The following NXPH1 variants were observed in gnomAD, a reference collection of about 807,000 sequenced individuals.
The protein encoded by NXPH1 is neurexophilin 1.
NXPH1 carries 5 observed loss-of-function variants against 23.7 expected under a neutral mutation model. The observed-to-expected ratio is 0.21, with a 90% CI of 0.11 to 0.44. The LOEUF (loss-of-function observed/expected upper bound fraction) is 0.44, where lower values mean the gene tolerates loss of function less well. Among genes scored for constraint, NXPH1 ranks in the 20% least tolerant of loss-of-function variants. The probability of loss-of-function intolerance (pLI) is 0.99; values close to 1 mark genes in which losing one functional copy is unlikely to be tolerated. For synonymous variants in NXPH1, 144 were observed against 122.2 expected (o/e 1.18, Z -1.18); for missense variants, 324 against 321.6 (o/e 1.01, Z -0.06).
At chr7:8,589,098 T>C (rs942912877) in intron 2 of NXPH1, among the ~76,000 whole-genome samples, 5 of 152,244 alleles carry the variant, frequency 3.3e-5, no homozygotes, top group African/African-American at 1.2e-4. Context: ...CTTTCACACC[T>C]GGATAACTGA....
chr7:8,566,455 A>C (rs1259665483), intron 2 of NXPH1, among the ~76,000 whole-genome samples: 1 of 151,736 alleles, frequency 6.6e-6, no homozygotes, highest in Non-Finnish European at 1.5e-5. Context: ...TTGGCATGTG[A>C]GTTTGAGTGG....
At position 8,751,868 on chromosome 7, in the gene NXPH1, G is replaced by A; in HGVS notation, c.*99G>A. On this transcript the variant is annotated 3_prime_UTR_variant, in exon 3 of 3. Coordinates refer to ENST00000405863, the MANE Select transcript of NXPH1 (RefSeq NM_152745.3). The surrounding 1 kb of genome is among the most constrained non-coding windows in gnomAD (Gnocchi z 4.5). The stretch of plus-strand genomic sequence containing the variant: ...AGGTCACATCTGTTGCCTGGAATGT[G>A]TCTACACTGCTGCTCTTGTCAACTG... The A allele has an allele frequency of 8.8e-7, 1 of 1,142,372 alleles. No individual in the cohort carries two copies. Among genetic ancestry groups the A allele is most frequent in the Non-Finnish European group, 1.2e-6 (1 of 828,038 alleles). 70.8% of individuals were successfully genotyped at this position (1,142,372 alleles called of 1,614,324 possible).
intron 2 of NXPH1, among the ~76,000 whole-genome samples, chr7:8,546,885 T>C (rs1034056392): frequency 6.6e-6 from 1 of 151,450 alleles, no homozygotes; most frequent in Non-Finnish European, 1.5e-5. Flanking sequence ...TTTACATATT[T>C]GAAACCTTGT....
At chr7:8,462,271 T>G (rs1044044183) in intron 2 of NXPH1, among the ~76,000 whole-genome samples, 1 of 152,204 alleles carries the variant, frequency 6.6e-6, no homozygotes, top group Non-Finnish European at 1.5e-5. Context: ...ATGGCCTCGA[T>G]CTCTTGACCT....
chr7:8,642,014 C>T (rs1163377845), intron 2 of NXPH1, among the ~76,000 whole-genome samples: 1 of 152,190 alleles, frequency 6.6e-6, no homozygotes, highest in Admixed American at 6.5e-5. Context: ...CCATTCTGCT[C>T]TCGATGTTAC....
chr7:8,716,670 T>C (rs142249720), intron 2 of NXPH1, among the ~76,000 whole-genome samples: 2 of 152,176 alleles, frequency 1.3e-5, no homozygotes, highest in African/African-American at 2.4e-5. Flanking sequence ...GTTAAAAGGG[T>C]ATTACTGGGA....
intron 2 of NXPH1, among the ~76,000 whole-genome samples, chr7:8,747,466 T>C (rs1780490256): frequency 6.6e-6 from 1 of 152,176 alleles, no homozygotes; most frequent in African/African-American, 2.4e-5. Flanking sequence ...TTTTCCTCCT[T>C]CTTTGGGATA....
chr7:8,471,272 A>G (rs182716362), intron 2 of NXPH1, among the ~76,000 whole-genome samples: 101 of 152,284 alleles, frequency 6.6e-4, no homozygotes, highest in Admixed American at 3.7e-3. Flanking sequence ...CTACAAGAAA[A>G]GCTGTGCTTA....
chr7:8,517,101 C>T (rs1817698096), intron 2 of NXPH1, among the ~76,000 whole-genome samples: 1 of 152,108 alleles, frequency 6.6e-6, no homozygotes, highest in Admixed American at 6.6e-5. Context: ...GCACCAAGAA[C>T]ACAACAGTAA....
At chr7:8,552,270 C>A (rs2128619782) in intron 2 of NXPH1, among the ~76,000 whole-genome samples, 1 of 151,474 alleles carries the variant, frequency 6.6e-6, no homozygotes, top group Middle Eastern at 3.4e-3. Flanking sequence ...GCAATTATCC[C>A]AGCAATAACC....
chr7:8,715,590 A>ATT, intron 2 of NXPH1, among the ~76,000 whole-genome samples: 1 of 152,246 alleles, frequency 6.6e-6, no homozygotes, highest in Non-Finnish European at 1.5e-5. Flanking sequence ...AGTTATAAAA[A>ATT]GGCAAAAATG....
rs976506306 is a variant in NXPH1 at position 8,514,505 on chromosome 7, T to C, written c.54+78738T>C. ...TTTTGCCCAATGCATTGGAAAATGGTTAAAACAAAAAGAAGAGTCCATTCC... is the reference window on the plus strand; with the variant it reads ...TTTTGCCCAATGCATTGGAAAATGGCTAAAACAAAAAGAAGAGTCCATTCC... On this transcript the variant is annotated intron_variant, in intron 2 of 2. Coordinates refer to ENST00000405863, the MANE Select transcript of NXPH1 (RefSeq NM_152745.3). Among the ~76,000 whole-genome samples the C allele has an allele frequency of 6.6e-5, 10 of 152,080 alleles. 1 individual carries two copies. The highest frequency in any genetic ancestry group is 4.1e-4 in the South Asian group (2 of 4,830).
intron 2 of NXPH1, among the ~76,000 whole-genome samples, chr7:8,658,749 C>A (rs985890295): frequency 6.6e-6 from 1 of 151,898 alleles, no homozygotes; most frequent in Non-Finnish European, 1.5e-5. Flanking sequence ...GTTGCTTACA[C>A]TCTAGTAGAA....
chr7:8,575,891 C>T (rs765105711), intron 2 of NXPH1, among the ~76,000 whole-genome samples: 5 of 152,030 alleles, frequency 3.3e-5, no homozygotes, highest in Non-Finnish European at 5.9e-5. Flanking sequence ...TATTTCCTCT[C>T]TCTCCAGTTT....
chr7:8,545,507 A>G (rs1039136664), intron 2 of NXPH1, among the ~76,000 whole-genome samples: 1 of 151,540 alleles, frequency 6.6e-6, no homozygotes, highest in South Asian at 2.1e-4. Context: ...CTTCGAGGGC[A>G]TATGTACATA....
chr7:8,621,751 G>T (rs891763619), intron 2 of NXPH1, among the ~76,000 whole-genome samples: 10 of 152,154 alleles, frequency 6.6e-5, no homozygotes, highest in Non-Finnish European at 1.3e-4. Flanking sequence ...CTCCCAAGGT[G>T]CTGGGATTCA....
chr7:8,739,291 A>C (rs867190992), intron 2 of NXPH1, among the ~76,000 whole-genome samples: 4 of 151,210 alleles, frequency 2.6e-5, no homozygotes, highest in Middle Eastern at 7.0e-3. Context: ...CACCCGAGGG[A>C]ATCTCCTGGT....
intron 2 of NXPH1, among the ~76,000 whole-genome samples, chr7:8,744,649 G>A (rs184729500): frequency 1.8e-4 from 28 of 152,274 alleles, no homozygotes; most frequent in Non-Finnish European, 2.6e-4. Flanking sequence ...CCTAGTGGAT[G>A]GCATCACCAG....
intron 2 of NXPH1, among the ~76,000 whole-genome samples, chr7:8,602,236 T>A (rs7777974): frequency 0.38 from 57,608 of 152,072 alleles, 11,978 homozygotes; most frequent in African/African-American, 0.56. Flanking sequence ...TTTAAAATAG[T>A]TTTGTAAGTG....
Sources: gnomAD v4.1 joint callset for allele counts (sites outside exome capture counted in the v4.1 genomes callset) on GRCh38, gnomAD v4.1.1 for gene constraint, Gnocchi (gnomAD v3.1) non-coding constraint, MANE v1.5 for transcripts, NCBI Gene and HGNC (gene_info 2026-07-23, HGNC 2026-07-21) for gene names.